SRPX2: variants seen among roughly 807,000 people sequenced by gnomAD.
The protein encoded by SRPX2 is sushi repeat-containing protein SRPX2.
A neutral mutation model predicts 45.3 loss-of-function variants in SRPX2; 26 were observed. That is an observed-to-expected ratio of 0.57 (90% confidence interval 0.42 to 0.80). The LOEUF (loss-of-function observed/expected upper bound fraction) is 0.80, where lower values mean the gene tolerates loss of function less well. SRPX2 is among the 30% of genes least tolerant of loss of function. SRPX2 has a pLI of 0.00. For missense variants in SRPX2, 355 were observed against 399.8 expected (o/e 0.89, Z 0.95); for synonymous variants, 125 against 143.7 (o/e 0.87, Z 0.93).
Position 100,667,395 on chromosome X carries a change from C to G in SRPX2, c.1083C>G (p.Ile361Met). Residue 361 changes from isoleucine (I) to methionine (M), a missense_variant, in exon 9 of 11, where the codon ATC (isoleucine) becomes ATG (methionine). Coordinates refer to ENST00000373004, the MANE Select transcript of SRPX2 (RefSeq NM_014467.3). ...CCAACCGATATTATAAAATGCAGAT[C>G]TCTATGCTACAGGTAAGGCCCACTC... The part of the protein sequence containing the change: ...DPSNRYYKMQ[I>M]SMLQQSTCGL... 10 of 1,211,785 alleles carry G rather than the reference C, an allele frequency of 8.3e-6. No individual in the cohort carries two copies. The highest frequency in any genetic ancestry group is 1.1e-5 in the Non-Finnish European group (10 of 895,496).
At chrX:100,647,480 T>C (rs2083139159) in intron 2 of SRPX2, among the ~76,000 whole-genome samples, 1 of 112,228 alleles carries the variant, frequency 8.9e-6, no homozygotes, top group African/African-American at 3.2e-5. Flanking sequence ...GGACTGACAT[T>C]GAGATGAAAA....
Position 100,664,689 on chromosome X carries a change from G to A in SRPX2, c.356-85G>A, listed in dbSNP as rs761113618. 4.1e-6 allele frequency: 4 copies of A among 978,340 alleles called. No homozygotes were observed. The African/African-American group carries it at 7.6e-5, about 19-fold the overall frequency. 80.6% of individuals were successfully genotyped at this position (978,340 alleles called of 1,213,427 possible). The stretch of plus-strand genomic sequence containing the variant: ...GGTTTCTGTATTTTCTGCTCTTTCT[G>A]ATGTTTCTCCCTGTGCTAGATGCCC... On this transcript the variant is annotated intron_variant, in intron 4 of 10. Transcript: ENST00000373004.
At chrX:100,667,164 C>A in intron 8 of SRPX2, 110 bp from the exon 9 acceptor site, 1 of 1,132,538 alleles carries the variant, frequency 8.8e-7, no homozygotes, top group Non-Finnish European at 1.2e-6. Context: ...ATGGGAGAAA[C>A]AGCCAGAGAG....
At chrX:100,647,546 A>G (rs1028801671) in intron 2 of SRPX2, among the ~76,000 whole-genome samples, 1 of 112,209 alleles carries the variant, frequency 8.9e-6, no homozygotes, top group African/African-American at 3.2e-5. Flanking sequence ...AGGTGCCTCA[A>G]GTCTCCAGGA....
At chrX:100,667,229 G>A (rs188299768) in intron 8 of SRPX2, 45 bp from the exon 9 acceptor site, 4 of 1,209,745 alleles carry the variant, frequency 3.3e-6, no homozygotes, top group African/African-American at 3.5e-5. Flanking sequence ...AAGCTGGGAT[G>A]GAGGAGAAAG....
intron 7 of SRPX2, among the ~76,000 whole-genome samples, chrX:100,666,204 A>G (rs955581766): frequency 8.9e-6 from 1 of 112,443 alleles, no homozygotes; most frequent in African/African-American, 3.2e-5. Flanking sequence ...TTTTCTATAC[A>G]TACTTTAAAA....
In SRPX2 at chrX:100,673,879, T is replaced by C. The variant is rs754794669; in HGVS notation, c.*2892T>C. 1 of 111,748 alleles carries C rather than the reference T, an allele frequency of 8.9e-6. No homozygotes were observed. The highest frequency in any genetic ancestry group is 3.3e-5 in the African/African-American group (1 of 30,750). 9.2% of individuals were successfully genotyped at this position (111,748 alleles called of 1,213,427 possible). ...GAAGATTTCCTACTTCATAAAGTGG[T>C]TGGAGAAATTAAAGAAATAGTATAT... On this transcript the variant is annotated 3_prime_UTR_variant, in exon 11 of 11. Transcript: ENST00000373004.
intron 3 of SRPX2, among the ~76,000 whole-genome samples, chrX:100,654,338 C>G (rs1039534159): frequency 2.7e-5 from 3 of 111,203 alleles, no homozygotes; most frequent in African/African-American, 9.8e-5. Context: ...AAAGTACAAC[C>G]TGAGGCCCCA....
Position 100,666,815 on chromosome X carries a change from G to C in SRPX2, c.843G>C (p.Gly281=). Residue 281 remains glycine, a synonymous_variant, in exon 8 of 11, where the codon GGG becomes GGC. Transcript: ENST00000373004. Reference sequence around the variant, plus strand: ...GCTACCTCACCTGCACCTCAGCGGGGGACAACTATGGTGCCACCTGTGAAT... The same window carrying C: ...GCTACCTCACCTGCACCTCAGCGGGCGACAACTATGGTGCCACCTGTGAAT... ...QHGYLTCTSA[G]DNYGATCEYH... The C allele has an allele frequency of 8.3e-7, 1 of 1,212,020 alleles. No homozygotes were observed. Among genetic ancestry groups the C allele is most frequent in the Non-Finnish European group, 1.1e-6 (1 of 895,629 alleles).
rs751951110 is a variant in SRPX2 at position 100,665,358 on chromosome X, T to C, written c.648T>C (p.Gly216=). The C allele has an allele frequency of 2.3e-5, 28 of 1,208,611 alleles. No homozygotes were observed. The highest frequency in any genetic ancestry group is 3.1e-5 in the Non-Finnish European group (28 of 894,380). Residue 216 remains glycine, a synonymous_variant, in exon 6 of 11, where the codon GGT becomes GGC. Transcript: ENST00000373004. ...DPPLVKDSAD[G]TITRVTLRGP... Reference sequence around the variant, plus strand: ...CGTTGGTGAAAGATTCTGCTGATGGTACCATCACCAGGTGAGCCTGAATAA... The same window carrying C: ...CGTTGGTGAAAGATTCTGCTGATGGCACCATCACCAGGTGAGCCTGAATAA...
rs979393437 is a variant in SRPX2, at chrX:100,646,355, C to G, written c.33C>G (p.Leu11=). 4.1e-6 allele frequency: 5 copies of G among 1,211,556 alleles called. No individual in the cohort carries two copies. Among genetic ancestry groups the G allele is most frequent in the Admixed American group, 2.2e-5 (1 of 46,060 alleles). MASQLTQRGA[L]FLLFFLTPAV... ...GTCAGCTAACTCAAAGAGGAGCTCT[C>G]TTTCTGCTGTTCTTCCTAACTCCGG... Residue 11 remains leucine (L), a synonymous_variant, in exon 2 of 11, where the codon CTC becomes CTG. Transcript: ENST00000373004.
Position 100,662,318 on chromosome X carries a change from G to A in SRPX2, c.306G>A (p.Ser102=), listed in dbSNP as rs761983719. The part of the protein sequence containing the change: ...DRGFRLIGRR[S]VQCLPSRRWS... ...GCTTTCGATTGATTGGAAGGAGGTC[G>A]GTGCAATGCCTGCCAAGCCGTCGTT... The change falls in exon 4 of 11, where the codon TCG becomes TCA. Residue 102 remains serine (S), a synonymous_variant. Coordinates refer to ENST00000373004, the MANE Select transcript of SRPX2 (RefSeq NM_014467.3). The A allele has an allele frequency of 2.0e-5, 24 of 1,210,266 alleles. No homozygotes were observed. In the South Asian group the frequency reaches 3.3e-4, roughly 17 times the overall value.
chrX:100,650,700 A>G, intron 2 of SRPX2, 85 bp from the exon 3 acceptor site: 3 of 921,014 alleles, frequency 3.3e-6, no homozygotes, highest in Non-Finnish European at 4.7e-6. Context: ...TAAGGAAGTG[A>G]CAAAGTTGGA....
intron 3 of SRPX2, among the ~76,000 whole-genome samples, chrX:100,658,521 A>T (rs1023504274): frequency 1.8e-5 from 2 of 112,125 alleles, no homozygotes; most frequent in East Asian, 5.6e-4. Flanking sequence ...GCCTTACAAT[A>T]TATTTTGAAG....
intron 3 of SRPX2, among the ~76,000 whole-genome samples, chrX:100,661,537 C>T (rs1320363667): frequency 7.1e-5 from 8 of 112,098 alleles, no homozygotes; most frequent in Admixed American, 2.8e-4. Context: ...TTTGGAAGGC[C>T]GAGGCAGGAG....
chrX:100,675,379 T>C lies in SRPX2; in HGVS notation c.*4392T>C, dbSNP rs2083259272. 1 of 112,647 alleles carries C rather than the reference T, an allele frequency of 8.9e-6. No individual in the cohort carries two copies. Among genetic ancestry groups the C allele is most frequent in the African/African-American group, 3.2e-5 (1 of 30,896 alleles). The allele number at this position is 112,647 out of a possible 1,213,427, so 9.3% of individuals were successfully genotyped here. The stretch of plus-strand genomic sequence containing the variant: ...CCCCCAAAGGTCTAGTAAAGATATC[T>C]AGAACTGGAAAAAGCTTGGGAATTC... On this transcript the variant is annotated 3_prime_UTR_variant, in exon 11 of 11. Coordinates refer to ENST00000373004, the MANE Select transcript of SRPX2 (RefSeq NM_014467.3).
At chrX:100,666,086 T>C (rs994128971) in intron 7 of SRPX2, among the ~76,000 whole-genome samples, 5 of 112,348 alleles carry the variant, frequency 4.5e-5, no homozygotes, top group Admixed American at 1.9e-4. Flanking sequence ...AATTCATGCT[T>C]ATTGTTGAAC....
At chrX:100,649,037 AT>A (rs1221216442) in intron 2 of SRPX2, among the ~76,000 whole-genome samples, 3 of 112,546 alleles carry the variant, frequency 2.7e-5, no homozygotes, top group African/African-American at 9.7e-5. Context: ...CTGACATGTT[AT>A]GGTGACATAA....
intron 5 of SRPX2, 50 bp downstream of exon 5, chrX:100,665,000 A>G: frequency 3.4e-6 from 4 of 1,178,085 alleles, no homozygotes; most frequent in Non-Finnish European, 4.6e-6. Context: ...CCACCCCAGC[A>G]TTATATCGAC....
Sources: gnomAD v4.1 joint callset for allele counts (sites outside exome capture counted in the v4.1 genomes callset) on GRCh38, gnomAD v4.1.1 for gene constraint, MANE v1.5 for transcripts, NCBI Gene and HGNC (gene_info 2026-07-23, HGNC 2026-07-21) for gene names.